The following PIGL variants were observed in gnomAD, a reference collection of about 807,000 sequenced individuals.
PIGL encodes N-acetylglucosaminyl-phosphatidylinositol de-N-acetylase.
In PIGL, 22 loss-of-function variants were observed where a neutral mutation model predicts 31.1. That is an observed-to-expected ratio of 0.71 (90% CI 0.51 to 1.01). The LOEUF is 1.01. Among genes scored for constraint, PIGL ranks in the 50% least tolerant of loss-of-function variants. The pLI is 0.00. For synonymous variants in PIGL, 131 were observed against 117.4 expected, an observed-to-expected ratio of 1.12 and a Z score of -0.75; for missense variants, 302 against 315.9, an observed-to-expected ratio of 0.96 and a Z score of 0.33.
At chr17:16,227,066 A>G (rs2092655077) in intron 1 of PIGL, among the ~76,000 whole-genome samples, 1 of 152,048 alleles carries the variant, frequency 6.6e-6, no homozygotes, top group Non-Finnish European at 1.5e-5. Context: ...TATTGCCTAA[A>G]TAGAACTTAT....
intron 6 of PIGL, among the ~76,000 whole-genome samples, chr17:16,318,293 G>A (rs551138784): frequency 2.4e-4 from 36 of 149,470 alleles, no homozygotes; most frequent in African/African-American, 7.4e-4. Context: ...TTTTTGAGAC[G>A]GAGTTTTGCT....
Position 16,285,650 on chromosome 17 carries a change from C to A in PIGL, c.336-14238C>A, listed in dbSNP as rs1315182487. Among the ~76,000 whole-genome samples, 4 of 152,264 alleles carry A rather than the reference C, an allele frequency of 2.6e-5. No individual in the cohort carries two copies. In the East Asian group the frequency reaches 7.7e-4, roughly 29 times the overall value. On this transcript the variant is annotated intron_variant, in intron 2 of 6. Transcript: ENST00000225609. The stretch of plus-strand genomic sequence containing the variant: ...AAAAGGCTCTCTTAGGGCATTTGGT[C>A]TGTCTGGGCTCCTAAGCTGCTTAGA...
chr17:16,300,438 C>T (rs1370522793), intron 3 of PIGL, among the ~76,000 whole-genome samples: 3 of 152,086 alleles, frequency 2.0e-5, no homozygotes, highest in Admixed American at 6.6e-5. Context: ...CCCAGCACAT[C>T]GGGAGGCCGA....
At chr17:16,255,285 G>T (rs1439164536) in intron 2 of PIGL, among the ~76,000 whole-genome samples, 1 of 152,084 alleles carries the variant, frequency 6.6e-6, no homozygotes, top group African/African-American at 2.4e-5. Context: ...GAATACTTAG[G>T]TTTGAAAGTA....
At position 16,265,736 on chromosome 17, in the gene PIGL, G is replaced by A. The variant is rs573885048; in HGVS notation, c.335+31666G>A. On this transcript the variant is annotated intron_variant, in intron 2 of 6. Transcript: ENST00000225609. ...AGCATGGGCAACAGAGCGAGACTCC[G>A]TATTAAAAAAAAAAAAATCAAGGAA... Among the ~76,000 whole-genome samples the A allele has an allele frequency of 4.6e-3, 686 of 148,690 alleles. 3 individuals carry two copies. Among genetic ancestry groups the A allele is most frequent in the South Asian group, 0.015 (73 of 4,728 alleles).
At chr17:16,305,631 G>A (rs148999173) in intron 3 of PIGL, among the ~76,000 whole-genome samples, 2 of 152,152 alleles carry the variant, frequency 1.3e-5, no homozygotes, top group East Asian at 3.8e-4. Flanking sequence ...CAAAAGTGAT[G>A]GAGCTGAATT....
At chr17:16,298,814 G>T (rs774878798) in intron 2 of PIGL, among the ~76,000 whole-genome samples, 4 of 152,026 alleles carry the variant, frequency 2.6e-5, no homozygotes, top group African/African-American at 4.8e-5. Context: ...GATCACCTGA[G>T]GTCAGGAGTT....
rs2093116557 is a variant in PIGL, at chr17:16,323,910, C to T, written c.661-1890C>T. ...AGGATTACAAACATGAGACACCGTG[C>T]CCTGCCCAAAGCTGATATATTTGTT... is the stretch of plus-strand genomic sequence containing the variant. On this transcript the variant is annotated intron_variant, in intron 6 of 6. Transcript: ENST00000225609. Among the ~76,000 whole-genome samples, 3 of 151,944 alleles carry T rather than the reference C, an allele frequency of 2.0e-5. No homozygotes were observed. In the South Asian group the frequency reaches 6.2e-4, roughly 32 times the overall value.
intron 2 of PIGL, among the ~76,000 whole-genome samples, chr17:16,285,852 C>G (rs1454675464): frequency 1.3e-5 from 2 of 152,338 alleles, no homozygotes; most frequent in East Asian, 3.9e-4. Flanking sequence ...GAGACACCCC[C>G]CAGAAGTTGT....
intron 2 of PIGL, among the ~76,000 whole-genome samples, chr17:16,247,757 C>T (rs1331401442): frequency 6.6e-6 from 1 of 152,192 alleles, no homozygotes; most frequent in Non-Finnish European, 1.5e-5. Flanking sequence ...TCTTTCGTCC[C>T]ACCCGATTTT....
chr17:16,223,023 A>G (rs1446394772), intron 1 of PIGL, among the ~76,000 whole-genome samples: 1 of 152,172 alleles, frequency 6.6e-6, no homozygotes. Context: ...GAAAAAATAA[A>G]TAAATAAAAT....
At chr17:16,268,186 T>C (rs747533714) in intron 2 of PIGL, among the ~76,000 whole-genome samples, 1 of 151,824 alleles carries the variant, frequency 6.6e-6, no homozygotes, top group Non-Finnish European at 1.5e-5. Context: ...TGGGAATGAG[T>C]TGAAAGGTAG....
chr17:16,232,273 T>C (rs1342712406), intron 1 of PIGL, among the ~76,000 whole-genome samples: 1 of 152,078 alleles, frequency 6.6e-6, no homozygotes, highest in Non-Finnish European at 1.5e-5. Context: ...AGCAAAACTC[T>C]GTCTCAGAAA....
intron 2 of PIGL, among the ~76,000 whole-genome samples, chr17:16,297,980 G>C (rs2092989648): frequency 6.6e-6 from 1 of 152,168 alleles, no homozygotes; most frequent in African/African-American, 2.4e-5. Flanking sequence ...AGTGGAATTA[G>C]ATTCTCATAG....
chr17:16,221,450 CTT>C (rs36044246), intron 1 of PIGL, among the ~76,000 whole-genome samples: 68 of 128,216 alleles, frequency 5.3e-4, no homozygotes, highest in Non-Finnish European at 6.0e-4. Flanking sequence ...GCACACCCAA[CTT>C]TTTTTTTTTT....
intron 2 of PIGL, among the ~76,000 whole-genome samples, chr17:16,292,492 C>T (rs562301407): frequency 1.3e-5 from 2 of 151,870 alleles, no homozygotes; most frequent in Non-Finnish European, 1.5e-5. Flanking sequence ...GAGAGATCCA[C>T]GCATGTGCTT....
chr17:16,290,326 A>C (rs2092955185), intron 2 of PIGL, among the ~76,000 whole-genome samples: 1 of 150,916 alleles, frequency 6.6e-6, no homozygotes, highest in Non-Finnish European at 1.5e-5. Context: ...CAAGTGATCC[A>C]CCCTCCTGGG....
intron 6 of PIGL, among the ~76,000 whole-genome samples, chr17:16,320,866 C>T (rs137858910): frequency 0.012 from 1,836 of 151,244 alleles, 38 homozygotes; most frequent in African/African-American, 0.042. Context: ...AACTCCTGAC[C>T]GCAGGTGATC....
intron 2 of PIGL, among the ~76,000 whole-genome samples, chr17:16,250,898 A>G (rs1368820231): frequency 3.9e-5 from 6 of 152,212 alleles, no homozygotes; most frequent in Non-Finnish European, 7.3e-5. Context: ...CACCTACTCC[A>G]TGCCTGACAC....
Sources: gnomAD v4.1 joint callset for allele counts (sites outside exome capture counted in the v4.1 genomes callset) on GRCh38, gnomAD v4.1.1 for gene constraint, MANE v1.5 for transcripts, NCBI Gene and HGNC (gene_info 2026-07-23, HGNC 2026-07-21) for gene names.